The following SCHIP1 variants were observed in gnomAD, a reference collection of about 807,000 sequenced individuals.
SCHIP1 encodes the protein schwannomin interacting protein 1, also known as schwannomin-interacting protein 1.
In SCHIP1, 8 loss-of-function variants were observed where a neutral mutation model predicts 29.7. That is an observed-to-expected ratio of 0.27 (90% CI 0.16 to 0.49). The LOEUF (loss-of-function observed/expected upper bound fraction) is 0.49. Among genes scored for constraint, SCHIP1 ranks in the 20% least tolerant of loss-of-function variants. SCHIP1 has a pLI of 0.99. For synonymous variants in SCHIP1, 76 were observed against 94.9 expected (o/e 0.80, Z 1.16); for missense variants, 193 against 294.6 (o/e 0.66, Z 2.52).
chr3:159,815,244 C>A, the SCHIP1 span, among the ~76,000 whole-genome samples: 8 of 152,166 alleles, frequency 5.3e-5, no homozygotes, highest in Non-Finnish European at 8.8e-5. Flanking sequence ...CGGAAGAGTT[C>A]CCAGTGATGC....
the SCHIP1 span, among the ~76,000 whole-genome samples, chr3:159,682,588 C>T: frequency 6.6e-6 from 1 of 152,164 alleles, no homozygotes; most frequent in African/African-American, 2.4e-5. Flanking sequence ...AAACTGTGTG[C>T]TTCTCCTAGA....
chr3:159,362,497 G>T, the SCHIP1 span, among the ~76,000 whole-genome samples: 1 of 152,220 alleles, frequency 6.6e-6, no homozygotes, highest in African/African-American at 2.4e-5. Context: ...GATCTTTCAT[G>T]TGATACATGA....
chr3:159,453,356 C>T, the SCHIP1 span, among the ~76,000 whole-genome samples: 1 of 152,202 alleles, frequency 6.6e-6, no homozygotes, highest in Non-Finnish European at 1.5e-5. Flanking sequence ...TGAGAATGCT[C>T]TGTAAACTGC....
At chr3:159,856,061 A>C (rs59037785) in intron 1 of SCHIP1, among the ~76,000 whole-genome samples, 21,057 of 152,192 alleles carry the variant, frequency 0.14, 1,561 homozygotes, top group African/African-American at 0.2. Context: ...ACCTTAGCAG[A>C]ATCCGAGGTG....
chr3:159,860,007 G>C (rs534506446), intron 1 of SCHIP1, among the ~76,000 whole-genome samples: 16 of 151,674 alleles, frequency 1.1e-4, no homozygotes, highest in Admixed American at 2.6e-4. Flanking sequence ...GTGTGTGTGT[G>C]TGTCTGTCTG....
At chr3:159,395,928 T>C in the SCHIP1 span, among the ~76,000 whole-genome samples, 1 of 152,150 alleles carries the variant, frequency 6.6e-6, no homozygotes, top group South Asian at 2.1e-4. Context: ...GGTGTTAAAT[T>C]CTCCCATTAT....
chr3:159,667,197 A>G, the SCHIP1 span, among the ~76,000 whole-genome samples: 3 of 152,202 alleles, frequency 2.0e-5, no homozygotes, highest in African/African-American at 7.2e-5. Flanking sequence ...GCAGACAAGA[A>G]TCATTTAAAA....
chr3:159,452,130 A>C, the SCHIP1 span, among the ~76,000 whole-genome samples: 1 of 147,100 alleles, frequency 6.8e-6, no homozygotes, highest in Non-Finnish European at 1.5e-5. Context: ...GTCTCAAAAC[A>C]TTTCTTCTTT....
At chr3:159,435,437 C>T in the SCHIP1 span, among the ~76,000 whole-genome samples, 1 of 152,112 alleles carries the variant, frequency 6.6e-6, no homozygotes, top group Non-Finnish European at 1.5e-5. Flanking sequence ...AGCTCTAGCC[C>T]TCATATGGAA....
the SCHIP1 span, among the ~76,000 whole-genome samples, chr3:159,665,591 A>T: frequency 2.7e-5 from 4 of 146,192 alleles, no homozygotes; most frequent in Non-Finnish European, 1.5e-5. Context: ...CATACAGTCA[A>T]CACACTTTAT....
chr3:159,345,387 A>G, the SCHIP1 span, among the ~76,000 whole-genome samples: 1 of 152,104 alleles, frequency 6.6e-6, no homozygotes, highest in African/African-American at 2.4e-5. Context: ...CGATATGACT[A>G]TTGTTATCTT....
At chr3:159,379,350 C>G in the SCHIP1 span, among the ~76,000 whole-genome samples, 1 of 151,784 alleles carries the variant, frequency 6.6e-6, no homozygotes, top group Non-Finnish European at 1.5e-5. Flanking sequence ...GCCTCCCGAG[C>G]AGCTGGGATT....
chr3:159,629,719 C>A, the SCHIP1 span, among the ~76,000 whole-genome samples: 19 of 152,246 alleles, frequency 1.2e-4, no homozygotes, highest in Non-Finnish European at 2.5e-4. Flanking sequence ...AAGCCCTGGG[C>A]CTCATTTATG....
At chr3:159,425,785 C>G in the SCHIP1 span, among the ~76,000 whole-genome samples, 1 of 152,010 alleles carries the variant, frequency 6.6e-6, no homozygotes, top group African/African-American at 2.4e-5. Context: ...TGACCACATA[C>G]TTGGAAGTAA....
At chr3:159,712,830 A>G in the SCHIP1 span, among the ~76,000 whole-genome samples, 1 of 127,642 alleles carries the variant, frequency 7.8e-6, no homozygotes, top group Non-Finnish European at 1.9e-5. Context: ...AGAAGAGAGA[A>G]AGAAAGAAAG....
At chr3:159,324,952 G>T in the SCHIP1 span, among the ~76,000 whole-genome samples, 1 of 151,982 alleles carries the variant, frequency 6.6e-6, no homozygotes, top group East Asian at 1.9e-4. Flanking sequence ...ATCTTAAATA[G>T]TCCTGACCAA....
At chr3:159,782,081 A>G in the SCHIP1 span, among the ~76,000 whole-genome samples, 1 of 152,206 alleles carries the variant, frequency 6.6e-6, no homozygotes, top group Non-Finnish European at 1.5e-5. Flanking sequence ...CTCCTCCCTG[A>G]AGTCCTGAAA....
At chr3:159,696,778 G>T in the SCHIP1 span, among the ~76,000 whole-genome samples, 1 of 152,174 alleles carries the variant, frequency 6.6e-6, no homozygotes, top group Non-Finnish European at 1.5e-5. Context: ...GCCATCCTTT[G>T]GTTGAGCCTG....
At chr3:159,626,179 T>TAGATAGATAGATAG in the SCHIP1 span, among the ~76,000 whole-genome samples, 196 of 106,972 alleles carry the variant, frequency 1.8e-3, 3 homozygotes, top group Non-Finnish European at 2.8e-3. Context: ...TATCTATCTA[T>TAGATAGATAGATAG]CTAGATAGAT....
Sources: gnomAD v4.1 joint callset for allele counts (sites outside exome capture counted in the v4.1 genomes callset) on GRCh38, gnomAD v4.1.1 for gene constraint, MANE v1.5 for transcripts, NCBI Gene and HGNC (gene_info 2026-07-23, HGNC 2026-07-21) for gene names.